Variants in PRELID2 observed in about 807,000 individuals in gnomAD.
PRELID2 encodes the protein PRELI domain-containing protein 2.
PRELID2 carries 25 observed loss-of-function variants against 28.4 expected under a neutral mutation model. The observed-to-expected ratio is 0.88, with a 90% CI of 0.64 to 1.23. The LOEUF (loss-of-function observed/expected upper bound fraction) is 1.23, where lower values mean the gene tolerates loss of function less well. Ranked by LOEUF, PRELID2 falls within the 50% of genes most tolerant of loss-of-function variation. The probability of loss-of-function intolerance (pLI) is 0.00; values close to 1 mark genes in which losing one functional copy is unlikely to be tolerated. For missense variants in PRELID2, 201 were observed against 214.4 expected, an observed-to-expected ratio of 0.94 and a Z score of 0.39; for synonymous variants, 76 against 71.6, an observed-to-expected ratio of 1.06 and a Z score of -0.31.
chr5:145,519,125 G>A (rs1752543084), intron 1 of PRELID2, among the ~76,000 whole-genome samples: 1 of 152,090 alleles, frequency 6.6e-6, no homozygotes, highest in African/African-American at 2.4e-5. Context: ...TATTATTGTT[G>A]ACTTGACAAA....
At chr5:145,301,129 A>T in the PRELID2 span, among the ~76,000 whole-genome samples, 1 of 152,078 alleles carries the variant, frequency 6.6e-6, no homozygotes, top group South Asian at 2.1e-4. Context: ...TGTGAGGTTC[A>T]GTTGACCCAC....
intron 1 of PRELID2, among the ~76,000 whole-genome samples, chr5:145,524,403 A>C (rs913712928): frequency 3.3e-5 from 5 of 152,226 alleles, no homozygotes; most frequent in Non-Finnish European, 5.9e-5. Flanking sequence ...TCCCGGGTAC[A>C]GAGAGGCCTC....
At chr5:145,280,343 A>T in the PRELID2 span, among the ~76,000 whole-genome samples, 2 of 152,198 alleles carry the variant, frequency 1.3e-5, no homozygotes, top group African/African-American at 4.8e-5. Flanking sequence ...TAAAACTGCA[A>T]CTGGAAATAA....
At chr5:145,779,892 G>A (rs546238093) in intron 5 of PRELID2, among the ~76,000 whole-genome samples, 1 of 152,220 alleles carries the variant, frequency 6.6e-6, no homozygotes, top group African/African-American at 2.4e-5. Flanking sequence ...TGTCATAATG[G>A]GAAAAATAAG....
At chr5:145,699,402 G>A (rs1188872795) in intron 1 of PRELID2, among the ~76,000 whole-genome samples, 3 of 151,808 alleles carry the variant, frequency 2.0e-5, no homozygotes, top group Admixed American at 6.6e-5. Flanking sequence ...CATCACACAC[G>A]CACACACATC....
At chr5:145,812,688 A>T (rs574194107) in intron 4 of PRELID2, among the ~76,000 whole-genome samples, 1 of 152,188 alleles carries the variant, frequency 6.6e-6, no homozygotes, top group Admixed American at 6.5e-5. Flanking sequence ...AGCCTAACTG[A>T]TACAGGAGGA....
At chr5:145,326,269 G>A in the PRELID2 span, among the ~76,000 whole-genome samples, 13 of 152,212 alleles carry the variant, frequency 8.5e-5, no homozygotes, top group East Asian at 2.5e-3. Context: ...GCTTCCCAAA[G>A]TGCTGAGATT....
intron 1 of PRELID2, among the ~76,000 whole-genome samples, chr5:145,629,501 T>C (rs999305677): frequency 1.2e-4 from 19 of 152,192 alleles, no homozygotes; most frequent in African/African-American, 4.3e-4. Flanking sequence ...AAGTGGCCCA[T>C]TAAACAGGCA....
At chr5:145,417,587 T>C in the PRELID2 span, among the ~76,000 whole-genome samples, 1 of 152,138 alleles carries the variant, frequency 6.6e-6, no homozygotes, top group Admixed American at 6.6e-5. Context: ...GCAAGGTTGG[T>C]TCAACATAGG....
the PRELID2 span, among the ~76,000 whole-genome samples, chr5:145,352,272 T>C: frequency 6.6e-6 from 1 of 152,192 alleles, no homozygotes; most frequent in Non-Finnish European, 1.5e-5. Flanking sequence ...CATCCAGGCA[T>C]TTCCATACAT....
intron 1 of PRELID2, among the ~76,000 whole-genome samples, chr5:145,711,297 A>AG (rs1284124444): frequency 6.6e-6 from 1 of 152,178 alleles, no homozygotes; most frequent in Non-Finnish European, 1.5e-5. Flanking sequence ...AGTTTTGTGG[A>AG]GGCCATTAAA....
At chr5:145,557,344 G>A (rs893512889) in intron 1 of PRELID2, among the ~76,000 whole-genome samples, 2 of 152,234 alleles carry the variant, frequency 1.3e-5, no homozygotes, top group African/African-American at 4.8e-5. Flanking sequence ...GGGAGCTTGA[G>A]TTAGTTGGGA....
intron 1 of PRELID2, among the ~76,000 whole-genome samples, chr5:145,596,529 T>C (rs1309417156): frequency 6.6e-6 from 1 of 152,036 alleles, no homozygotes; most frequent in Non-Finnish European, 1.5e-5. Flanking sequence ...AGGTTCTTGT[T>C]GTTGTTCCTG....
chr5:145,831,289 G>GA (rs1755566359), intron 1 of PRELID2, among the ~76,000 whole-genome samples: 7 of 152,146 alleles, frequency 4.6e-5, no homozygotes, highest in African/African-American at 1.4e-4. Flanking sequence ...TGGTCAAGTG[G>GA]GCCTGTGGGC....
intron 1 of PRELID2, among the ~76,000 whole-genome samples, chr5:145,609,764 G>A (rs887592778): frequency 1.5e-4 from 23 of 152,276 alleles, no homozygotes; most frequent in African/African-American, 1.9e-4. Context: ...GAACTCTAGC[G>A]GGCATTTCCT....
Position 145,698,283 on chromosome 5 carries a change from T to C in PRELID2, n.70+66648A>G, listed in dbSNP as rs992553989. Among the ~76,000 whole-genome samples the C allele has an allele frequency of 3.9e-5, 6 of 152,354 alleles. No homozygotes were observed. The East Asian group carries it at 1.2e-3, about 29-fold the overall frequency. ...GGTACCAATTGCCTTACCTGTAGTA[T>C]ACATTCATCACCAATGATATTTTAA... On this transcript the variant is annotated intron_variant and non_coding_transcript_variant, in intron 1 of 2. Transcript: ENST00000510259.
At chr5:145,261,148 C>T in the PRELID2 span, among the ~76,000 whole-genome samples, 1 of 152,170 alleles carries the variant, frequency 6.6e-6, no homozygotes, top group African/African-American at 2.4e-5. Context: ...CCATCCCCCA[C>T]AGCAGCTGCA....
chr5:145,647,012 GA>G (rs1393532030), intron 1 of PRELID2, among the ~76,000 whole-genome samples: 1 of 152,188 alleles, frequency 6.6e-6, no homozygotes, highest in African/African-American at 2.4e-5. Flanking sequence ...CCTACTTGAG[GA>G]GGCATTCTGA....
At chr5:145,229,637 C>T in the PRELID2 span, 2 of 954,134 alleles carry the variant, frequency 2.1e-6, no homozygotes, top group Admixed American at 1.7e-5. Context: ...AACATCTTCA[C>T]CAGACAAAGG....
Sources: allele counts gnomAD v4.1 joint callset (sites outside exome capture counted in the v4.1 genomes callset), GRCh38; gene constraint gnomAD v4.1.1; transcripts MANE v1.5; gene names NCBI Gene and HGNC (gene_info 2026-07-23, HGNC 2026-07-21).